PARP4: variants seen among roughly 807,000 people sequenced by gnomAD.
PARP4 encodes the protein protein mono-ADP-ribosyltransferase PARP4.
A neutral mutation model predicts 187.7 loss-of-function variants in PARP4; 120 were observed. The observed-to-expected ratio is 0.64, with a 90% CI of 0.55 to 0.74. PARP4 has a LOEUF of 0.74. PARP4 is among the 30% of genes least tolerant of loss of function. PARP4 has a pLI of 0.00. For missense variants in PARP4, 1,836 were observed against 2,070.5 expected (o/e 0.89, Z 2.20); for synonymous variants, 654 against 740.9 (o/e 0.88, Z 1.90).
chr13:24,477,617 G>T, intron 14 of PARP4, 84 bp downstream of exon 14: 1 of 800,350 alleles, frequency 1.2e-6, no homozygotes, highest in Non-Finnish European at 2.1e-6. Flanking sequence ...TATAACAAAT[G>T]CAAATATACA....
intron 17 of PARP4, among the ~76,000 whole-genome samples, chr13:24,466,959 C>T (rs1872509817): frequency 6.6e-6 from 1 of 151,916 alleles, no homozygotes; most frequent in Admixed American, 6.6e-5. Flanking sequence ...TAAATCTGAC[C>T]AGATCAATAA....
At chr13:24,489,728 G>T (rs1206433060) in intron 10 of PARP4, among the ~76,000 whole-genome samples, 3 of 152,170 alleles carry the variant, frequency 2.0e-5, no homozygotes, top group Admixed American at 6.5e-5. Flanking sequence ...ATTTTAGATG[G>T]GTCTGAGTCA....
Position 24,442,619 on chromosome 13 carries a change from A to G in PARP4, c.3514T>C (p.Phe1172Leu). The G allele has an allele frequency of 1.3e-6, 2 of 1,597,618 alleles. No individual in the cohort carries two copies. Among genetic ancestry groups the G allele is most frequent in the Non-Finnish European group, 1.7e-6 (2 of 1,165,054 alleles). ...LSKENSLITQ[F>L]TSFVAVEKRD... ...TTCTCAACTGCCACAAAGCTTGTAA[A>G]TTGTGTTATGAGAGAGTTTTCTTTA... is the stretch of plus-strand genomic sequence containing the variant. Residue 1172 changes from phenylalanine (F) to leucine (L), a missense_variant, in exon 29 of 34, where the codon TTT (phenylalanine) becomes CTT (leucine). Phe to Leu is a conservative substitution (Grantham distance 22). Transcript: ENST00000381989.
At chr13:24,481,829 A>T (rs928809101) in intron 12 of PARP4, among the ~76,000 whole-genome samples, 1 of 152,162 alleles carries the variant, frequency 6.6e-6, no homozygotes, top group Non-Finnish European at 1.5e-5. Context: ...ATCTTACTGT[A>T]CTCTCACCTG....
chr13:24,452,303 CTGTATTCTAG>C (rs1426228205), intron 24 of PARP4, 93 bp downstream of exon 24: 3 of 909,974 alleles, frequency 3.3e-6, no homozygotes, highest in Non-Finnish European at 5.1e-6. Flanking sequence ...TGTAAGGCTT[CTGTATTCTAG>C]TGTCAACTTC....
rs186527275 is a variant in PARP4 at position 24,451,166 on chromosome 13, C to T, written c.3014+1240G>A. Among the ~76,000 whole-genome samples the T allele has an allele frequency of 3.9e-5, 6 of 152,320 alleles. No individual in the cohort carries two copies. The East Asian group carries it at 1.2e-3, about 29-fold the overall frequency. On this transcript the variant is annotated intron_variant, in intron 24 of 33. Transcript: ENST00000381989. ...AGGAAGGCATGAATAGGTGCCAGTA[C>T]CTCTGCCCTGTGGTGTCTGAGCCCT...
chr13:24,499,064 T>C (rs1312872461), intron 5 of PARP4, among the ~76,000 whole-genome samples: 2 of 152,074 alleles, frequency 1.3e-5, no homozygotes, highest in African/African-American at 2.4e-5. Context: ...TTTGGGAGGC[T>C]AAGGAGGGAG....
chr13:24,423,824 A>C (rs1869883532), intron 33 of PARP4, among the ~76,000 whole-genome samples: 1 of 151,844 alleles, frequency 6.6e-6, no homozygotes, highest in East Asian at 2.0e-4. Context: ...ACACTACCAC[A>C]CTCGGGTAAT....
intron 8 of PARP4, among the ~76,000 whole-genome samples, chr13:24,493,382 T>C (rs552398819): frequency 1.3e-5 from 2 of 152,354 alleles, no homozygotes; most frequent in Non-Finnish European, 2.9e-5. Context: ...CTCTTGAGGC[T>C]GACATTTTAC....
At chr13:24,510,986 C>T (rs890810082) in intron 1 of PARP4, among the ~76,000 whole-genome samples, 3 of 152,052 alleles carry the variant, frequency 2.0e-5, no homozygotes, top group Non-Finnish European at 4.4e-5. Context: ...AGGGTTCTTA[C>T]TATGTTGCCA....
chr13:24,495,176 T>C (rs1868879468), intron 6 of PARP4, among the ~76,000 whole-genome samples: 1 of 152,158 alleles, frequency 6.6e-6, no homozygotes, highest in Non-Finnish European at 1.5e-5. Context: ...TGGCCAGAAT[T>C]ACCAAAATTT....
chr13:24,435,506 G>A (rs753991664), intron 30 of PARP4, 32 bp from the exon 31 acceptor site: 3 of 1,529,720 alleles, frequency 2.0e-6, no homozygotes, highest in Non-Finnish European at 2.6e-6. Context: ...TAACGTAAGG[G>A]GAAAACACAG....
chr13:24,465,337 G>A (rs1872404444), intron 17 of PARP4, among the ~76,000 whole-genome samples: 1 of 152,184 alleles, frequency 6.6e-6, no homozygotes, highest in African/African-American at 2.4e-5. Context: ...ATACATGCAT[G>A]TGTATGTTCG....
chr13:24,457,362 T>C (rs1871915658), intron 20 of PARP4, among the ~76,000 whole-genome samples: 1 of 152,106 alleles, frequency 6.6e-6, no homozygotes, highest in Non-Finnish European at 1.5e-5. Context: ...TTTCCACCCT[T>C]GAAACTGGAG....
chr13:24,488,470 C>T (rs911089130), intron 10 of PARP4, among the ~76,000 whole-genome samples: 1 of 152,158 alleles, frequency 6.6e-6, no homozygotes, highest in Non-Finnish European at 1.5e-5. Flanking sequence ...TCTTGTGCCT[C>T]AGCCCCTGGA....
chr13:24,465,845 C>T (rs77676941), intron 17 of PARP4, among the ~76,000 whole-genome samples: 4 of 151,588 alleles, frequency 2.6e-5, no homozygotes, highest in Non-Finnish European at 4.4e-5. Flanking sequence ...ATAAAACACA[C>T]GACAACAATA....
At chr13:24,465,204 T>C (rs1222812967) in intron 17 of PARP4, among the ~76,000 whole-genome samples, 1 of 152,166 alleles carries the variant, frequency 6.6e-6, no homozygotes, top group Non-Finnish European at 1.5e-5. Flanking sequence ...TGTAAATTAG[T>C]TCAACCATTG....
intron 10 of PARP4, among the ~76,000 whole-genome samples, chr13:24,487,284 T>C (rs938477839): frequency 2.9e-5 from 4 of 138,656 alleles, no homozygotes; most frequent in Admixed American, 7.1e-5. Context: ...AGTGATCAAA[T>C]ACCTTAAGTG....
Position 24,484,733 on chromosome 13 carries a change from G to A in PARP4, c.1368C>T (p.Pro456=). The A allele has an allele frequency of 6.3e-7, 1 of 1,597,810 alleles. No individual in the cohort carries two copies. Among genetic ancestry groups the A allele is most frequent in the Non-Finnish European group, 8.6e-7 (1 of 1,165,092 alleles). The change falls in exon 12 of 34, where the codon CCC becomes CCT. Residue 456 remains proline (P), a synonymous_variant. Transcript: ENST00000381989. ...GCACACCACGATCTTCCACTACTTT[G>A]GGTAAAAGCAACCCTCTGAAAAGAG... is the stretch of plus-strand genomic sequence containing the variant. ...VGILCRGLLL[P]KVVEDRGVQR... is the part of the protein sequence containing the mutation.
Sources: allele counts gnomAD v4.1 joint callset (sites outside exome capture counted in the v4.1 genomes callset), GRCh38; gene constraint gnomAD v4.1.1; transcripts MANE v1.5; gene names NCBI Gene and HGNC (gene_info 2026-07-23, HGNC 2026-07-21).